The following SLC10A7 variants were observed in gnomAD, a reference collection of about 807,000 sequenced individuals.
SLC10A7 encodes the protein solute carrier family 10 member 7.
Under a neutral mutation model 43.2 loss-of-function variants are expected in SLC10A7, and 29 were observed. The ratio of observed to expected loss-of-function variants is 0.67; its 90% confidence interval spans 0.50 to 0.92. SLC10A7 has a LOEUF of 0.92. Among genes scored for constraint, SLC10A7 ranks in the 40% least tolerant of loss-of-function variants. SLC10A7 has a pLI of 0.00. For synonymous variants in SLC10A7, 152 were observed against 144.8 expected (o/e 1.05, Z -0.35); for missense variants, 295 against 403.2 (o/e 0.73, Z 2.30).
intron 11 of SLC10A7, among the ~76,000 whole-genome samples, chr4:146,257,983 G>C (rs1363452428): frequency 6.6e-6 from 1 of 152,188 alleles, no homozygotes; most frequent in African/African-American, 2.4e-5. Context: ...ACTACTTTGT[G>C]AATAGACAAA....
At chr4:146,278,395 C>A (rs938770290) in intron 10 of SLC10A7, among the ~76,000 whole-genome samples, 1 of 152,018 alleles carries the variant, frequency 6.6e-6, no homozygotes, top group Non-Finnish European at 1.5e-5. Context: ...TATTTCAAAT[C>A]AATTTCCTCT....
intron 10 of SLC10A7, among the ~76,000 whole-genome samples, chr4:146,266,709 C>T (rs913592577): frequency 9.9e-5 from 15 of 152,084 alleles, no homozygotes; most frequent in African/African-American, 3.6e-4. Flanking sequence ...TTGATCATAT[C>T]CAGTAATGTG....
chr4:146,340,655 C>T (rs1734203083), intron 5 of SLC10A7, among the ~76,000 whole-genome samples: 1 of 151,456 alleles, frequency 6.6e-6, no homozygotes, highest in Non-Finnish European at 1.5e-5. Flanking sequence ...GTATATACAG[C>T]TAATTTTCCT....
Position 146,363,205 on chromosome 4 carries a change from A to T in SLC10A7, c.436-37209T>A, listed in dbSNP as rs377630072. On this transcript the variant is annotated intron_variant, in intron 5 of 11. Transcript: ENST00000335472. The stretch of plus-strand genomic sequence containing the variant: ...ATGCAAATGTAAATGAATAAAGAGC[A>T]GGAGTAACTATACTTTTATCAGTTA... Among the ~76,000 whole-genome samples, 64 of 152,300 alleles carry T rather than the reference A, an allele frequency of 4.2e-4. No homozygotes were observed. The East Asian group carries it at 0.012, about 28-fold the overall frequency.
At chr4:146,505,849 C>T (rs994558000) in intron 3 of SLC10A7, among the ~76,000 whole-genome samples, 5 of 152,192 alleles carry the variant, frequency 3.3e-5, no homozygotes, top group African/African-American at 1.2e-4. Context: ...ACTTTACATA[C>T]TATCTCATTT....
chr4:146,467,923 T>C (rs1331380684), intron 4 of SLC10A7, among the ~76,000 whole-genome samples: 4 of 152,186 alleles, frequency 2.6e-5, no homozygotes, highest in Admixed American at 2.6e-4. Flanking sequence ...ATGCCTAATG[T>C]GACACAGCAC....
chr4:146,397,429 A>G (rs1006773546), intron 5 of SLC10A7, among the ~76,000 whole-genome samples: 5 of 152,182 alleles, frequency 3.3e-5, no homozygotes, highest in Admixed American at 1.3e-4. Flanking sequence ...CACATCCCCA[A>G]TAATGTATAT....
chr4:146,292,609 G>A (rs1432614104), intron 9 of SLC10A7, among the ~76,000 whole-genome samples: 3 of 152,010 alleles, frequency 2.0e-5, no homozygotes, highest in African/African-American at 7.3e-5. Flanking sequence ...TGAAACATAG[G>A]GTTCAAACTC....
rs756865073 is a variant in SLC10A7, at chr4:146,256,452, G to C, written c.*39C>G. 1 of 1,607,364 alleles carries C rather than the reference G, an allele frequency of 6.2e-7. No individual in the cohort carries two copies. The highest frequency in any genetic ancestry group is 8.5e-7 in the Non-Finnish European group (1 of 1,174,022). On this transcript the variant is annotated 3_prime_UTR_variant, in exon 12 of 12. Transcript: ENST00000335472. ...CAGAATTGCTAGTATGTACAATCCT[G>C]TACATATATACATTGCTACAGAAAG...
chr4:146,362,376 A>T (rs1736105269), intron 5 of SLC10A7, among the ~76,000 whole-genome samples: 1 of 152,104 alleles, frequency 6.6e-6, no homozygotes, highest in Non-Finnish European at 1.5e-5. Flanking sequence ...ATAACATATA[A>T]ATGATCCCTG....
At chr4:146,397,326 T>G (rs1197736443) in intron 5 of SLC10A7, among the ~76,000 whole-genome samples, 1 of 152,142 alleles carries the variant, frequency 6.6e-6, no homozygotes, top group East Asian at 1.9e-4. Flanking sequence ...TCAGAAAAGT[T>G]TTCAGACATC....
intron 5 of SLC10A7, among the ~76,000 whole-genome samples, chr4:146,418,646 C>T (rs1728743167): frequency 6.6e-6 from 1 of 152,142 alleles, no homozygotes; most frequent in African/African-American, 2.4e-5. Context: ...GCATTTCCTA[C>T]TCTCTCTTAC....
chr4:146,514,903 ATGT>A lies in SLC10A7; in HGVS notation c.183+2132_183+2134del, dbSNP rs1413504808. ...TTATATGGCTTTTGAAAATGACTTA[ATGT>A]TGTATTCTTTTGAAAAGGGCTTTTG... is the stretch of plus-strand genomic sequence containing the variant. On this transcript the variant is annotated intron_variant, in intron 2 of 11. Transcript: ENST00000335472. 19 of 530,770 alleles carry A rather than the reference ATGT, an allele frequency of 3.6e-5. No individual in the cohort carries two copies. The Admixed American group carries it at 4.5e-4, about 13-fold the overall frequency. 32.9% of individuals were successfully genotyped at this position (530,770 alleles called of 1,614,324 possible).
intron 4 of SLC10A7, among the ~76,000 whole-genome samples, chr4:146,492,176 C>T (rs566488601): frequency 1.3e-4 from 20 of 151,270 alleles, no homozygotes; most frequent in Non-Finnish European, 2.4e-4. Flanking sequence ...GCCGAGATCG[C>T]GTCACTGCAC....
intron 4 of SLC10A7, among the ~76,000 whole-genome samples, chr4:146,488,151 A>G (rs1267175548): frequency 6.6e-6 from 1 of 152,108 alleles, no homozygotes; most frequent in Admixed American, 6.6e-5. Flanking sequence ...CGATCATACC[A>G]CTGTACTTCT....
At chr4:146,338,564 A>C (rs1734047772) in intron 5 of SLC10A7, among the ~76,000 whole-genome samples, 1 of 152,122 alleles carries the variant, frequency 6.6e-6, no homozygotes, top group Middle Eastern at 3.4e-3. Context: ...TGAAAGAGAC[A>C]TTAGGGATAA....
chr4:146,450,898 A>G (rs1354096444), intron 4 of SLC10A7, among the ~76,000 whole-genome samples: 1 of 152,040 alleles, frequency 6.6e-6, no homozygotes, highest in Non-Finnish European at 1.5e-5. Flanking sequence ...AGATAACACA[A>G]CCTCCACTGA....
intron 5 of SLC10A7, among the ~76,000 whole-genome samples, chr4:146,390,217 GA>G (rs151308549): frequency 0.018 from 2,769 of 152,300 alleles, 101 homozygotes; most frequent in African/African-American, 0.062. Context: ...GAAATTGACA[GA>G]AGGCCATCAT....
intron 5 of SLC10A7, among the ~76,000 whole-genome samples, chr4:146,437,190 A>G (rs1730281221): frequency 6.6e-6 from 1 of 152,094 alleles, no homozygotes; most frequent in South Asian, 2.1e-4. Context: ...CTGCTAATTG[A>G]ACCAATGGTA....
Sources: gnomAD v4.1 joint callset for allele counts (sites outside exome capture counted in the v4.1 genomes callset) on GRCh38, gnomAD v4.1.1 for gene constraint, MANE v1.5 for transcripts, NCBI Gene and HGNC (gene_info 2026-07-23, HGNC 2026-07-21) for gene names.